NUP98: variants seen among roughly 807,000 people sequenced by gnomAD.
NUP98 encodes the protein nuclear pore complex protein Nup98-Nup96.
NUP98 carries 26 observed loss-of-function variants against 191.9 expected under a neutral mutation model. That is an observed-to-expected ratio of 0.14 (90% CI 0.10 to 0.19). NUP98 has a LOEUF of 0.19. Among genes scored for constraint, NUP98 ranks in the 10% least tolerant of loss-of-function variants. NUP98 has a pLI of 1.00. For synonymous variants in NUP98, 808 were observed against 778.4 expected (o/e 1.04, Z -0.63); for missense variants, 1,941 against 2,178.8 (o/e 0.89, Z 2.17).
At chr11:3,741,703 G>C (rs2080292200) in intron 12 of NUP98, among the ~76,000 whole-genome samples, 1 of 152,138 alleles carries the variant, frequency 6.6e-6, no homozygotes, top group East Asian at 1.9e-4. Context: ...AGACACAACT[G>C]TTAAGATAGA....
chr11:3,772,377 T>C (rs921002931), intron 6 of NUP98, among the ~76,000 whole-genome samples: 1 of 152,232 alleles, frequency 6.6e-6, no homozygotes, highest in African/African-American at 2.4e-5. Context: ...GTAAGCATAG[T>C]TTGGTATGTA....
Position 3,717,704 on chromosome 11 carries a change from A to G in NUP98, c.2399+1708T>C, listed in dbSNP as rs142675885. Among the ~76,000 whole-genome samples the G allele has an allele frequency of 9.2e-5, 14 of 152,340 alleles. No homozygotes were observed. The East Asian group carries it at 1.9e-3, about 21-fold the overall frequency. ...TGCTCTGACCAGGACTTGCAGTAGT[A>G]TATTTGGGAAAAGTGGCAAAAGCAG... On this transcript the variant is annotated intron_variant, in intron 18 of 32. Coordinates refer to ENST00000324932, the MANE Select transcript of NUP98 (RefSeq NM_016320.5).
chr11:3,687,260 G>A (rs2134034554), intron 28 of NUP98, among the ~76,000 whole-genome samples: 1 of 152,276 alleles, frequency 6.6e-6, no homozygotes, highest in Middle Eastern at 3.4e-3. Context: ...AATTTTCAGA[G>A]TTCTTGATGT....
intron 7 of NUP98, among the ~76,000 whole-genome samples, chr11:3,769,952 A>T (rs1439810942): frequency 1.3e-5 from 2 of 151,624 alleles, no homozygotes; most frequent in Non-Finnish European, 2.9e-5. Context: ...GCTGAGGCAG[A>T]GAATCGCTTG....
Position 3,730,217 on chromosome 11 carries a change from AG to A in NUP98, c.1730+1173del, listed in dbSNP as rs567416290. On this transcript the variant is annotated intron_variant, in intron 14 of 32. Coordinates refer to ENST00000324932, the MANE Select transcript of NUP98 (RefSeq NM_016320.5). ...GCCACTGCACTCCAGCCTGGGTAAC[AG>A]AGCGACTGTATCAAAAAAATAAATA... 1.2e-4 allele frequency among the ~76,000 whole-genome samples: 19 copies of A among 152,316 alleles called. No individual in the cohort carries two copies. The South Asian group carries it at 3.9e-3, about 32-fold the overall frequency.
chr11:3,734,414 G>A (rs2079968711), intron 13 of NUP98, among the ~76,000 whole-genome samples: 1 of 152,186 alleles, frequency 6.6e-6, no homozygotes. Flanking sequence ...TGACTGAATA[G>A]TAGTTTCTGT....
intron 1 of NUP98, among the ~76,000 whole-genome samples, chr11:3,791,116 C>G (rs12791474): frequency 6.6e-6 from 1 of 151,586 alleles, no homozygotes; most frequent in African/African-American, 2.4e-5. Flanking sequence ...AGGATGGTCT[C>G]GATCTCCTGA....
chr11:3,792,209 A>C (rs1225137512), intron 1 of NUP98, among the ~76,000 whole-genome samples: 7 of 131,116 alleles, frequency 5.3e-5, no homozygotes, highest in Non-Finnish European at 9.6e-5. Flanking sequence ...AAAAAAAAAA[A>C]CATGTATTCA....
chr11:3,713,061 A>C (rs1306474358), intron 19 of NUP98, among the ~76,000 whole-genome samples: 1 of 152,212 alleles, frequency 6.6e-6, no homozygotes, highest in Non-Finnish European at 1.5e-5. Flanking sequence ...CTATCTACCC[A>C]AGGGCCTTTA....
At chr11:3,768,769 G>A in intron 7 of NUP98, 25 bp from the exon 8 acceptor site, 11 of 1,179,120 alleles carry the variant, frequency 9.3e-6, no homozygotes, top group East Asian at 2.9e-5. Flanking sequence ...AAAAAAAAAA[G>A]AAAAAAGAAA....
Position 3,729,715 on chromosome 11 carries a change from C to CAAAAAAAAAAAAAAAAAAAAAAA in NUP98, c.1730+1653_1730+1675dup, listed in dbSNP as rs755816362. Among the ~76,000 whole-genome samples, 32 of 37,408 alleles carry CAAAAAAAAAAAAAAAAAAAAAAA rather than the reference C, an allele frequency of 8.6e-4. 2 individuals carry two copies. Among genetic ancestry groups the CAAAAAAAAAAAAAAAAAAAAAAA allele is most frequent in the Non-Finnish European group, 1.2e-3 (23 of 18,648 alleles). The allele number at this position is 37,408 out of a possible 152,430, so 24.5% of individuals were successfully genotyped here. A position where few individuals can be genotyped will look rare whatever the true frequency, so the allele number is the denominator to read the frequency against. On this transcript the variant is annotated intron_variant, in intron 14 of 32. Transcript: ENST00000324932. ...GGGCAATGGCATAAGACTCTTGCCT[C>CAAAAAAAAAAAAAAAAAAAAAAA]AAAAAAAAAAAAAAAAAAAAAAAAA...
intron 2 of NUP98, among the ~76,000 whole-genome samples, chr11:3,781,162 G>A (rs942081673): frequency 4.2e-5 from 6 of 143,132 alleles, no homozygotes; most frequent in Admixed American, 7.0e-5. Context: ...CTCCAGCCTC[G>A]GTGACAGTGC....
chr11:3,723,744 A>AAAT (rs149531138), intron 15 of NUP98, among the ~76,000 whole-genome samples: 4 of 151,504 alleles, frequency 2.6e-5, no homozygotes, highest in Admixed American at 6.6e-5. Context: ...AATGCTTTAT[A>AAAT]AATAATAATA....
intron 1 of NUP98, among the ~76,000 whole-genome samples, chr11:3,795,305 G>T (rs1338493643): frequency 1.3e-5 from 2 of 152,118 alleles, no homozygotes; most frequent in East Asian, 3.9e-4. Flanking sequence ...TATTAGCTGG[G>T]TATGGTGGTG....
intron 10 of NUP98, 24 bp from the exon 11 acceptor site, chr11:3,753,432 G>C (rs1356464912): frequency 6.4e-7 from 1 of 1,557,418 alleles, no homozygotes; most frequent in Non-Finnish European, 8.9e-7. Context: ...AGAATGAGTG[G>C]ATTGTACTTT....
chr11:3,703,697 A>G (rs770592541), intron 22 of NUP98, among the ~76,000 whole-genome samples: 2 of 152,296 alleles, frequency 1.3e-5, no homozygotes, highest in Non-Finnish European at 2.9e-5. Context: ...TTCTTAGCAC[A>G]TATAAAAGTA....
intron 12 of NUP98, among the ~76,000 whole-genome samples, chr11:3,739,028 A>G (rs2080180548): frequency 1.3e-5 from 2 of 152,240 alleles, no homozygotes; most frequent in African/African-American, 4.8e-5. Flanking sequence ...TCCGTGGTAT[A>G]AAGATGTACA....
At chr11:3,762,039 A>G (rs1485818745) in intron 9 of NUP98, among the ~76,000 whole-genome samples, 1 of 152,238 alleles carries the variant, frequency 6.6e-6, no homozygotes, top group African/African-American at 2.4e-5. Flanking sequence ...TTATCTGTCC[A>G]AAGTTTAAAA....
At chr11:3,752,603 A>C (rs1224444988) in intron 11 of NUP98, among the ~76,000 whole-genome samples, 1 of 152,102 alleles carries the variant, frequency 6.6e-6, no homozygotes, top group Non-Finnish European at 1.5e-5. Flanking sequence ...AAAAAAAAAC[A>C]GATTAACTGG....
Sources: allele counts gnomAD v4.1 joint callset (sites outside exome capture counted in the v4.1 genomes callset), GRCh38; gene constraint gnomAD v4.1.1; transcripts MANE v1.5; gene names NCBI Gene and HGNC (gene_info 2026-07-23, HGNC 2026-07-21).